FADS2: variants seen among roughly 807,000 people sequenced by gnomAD.
FADS2 encodes the protein fatty acid desaturase 2.
Under a neutral mutation model 61.2 loss-of-function variants are expected in FADS2, and 18 were observed. The ratio of observed to expected loss-of-function variants is 0.29; its 90% CI spans 0.20 to 0.44. FADS2 has a LOEUF of 0.44. FADS2 is among the 20% of genes least tolerant of loss of function. The probability of loss-of-function intolerance (pLI) is 1.00; values close to 1 mark genes in which losing one functional copy is unlikely to be tolerated. For synonymous variants in FADS2, 203 were observed against 223.9 expected (o/e 0.91, Z 0.83); for missense variants, 322 against 572.7 (o/e 0.56, Z 4.47).
At position 61,816,282 on chromosome 11, in the gene FADS2, T is replaced by G; in HGVS notation, c.-4T>G. 1 of 1,598,350 alleles carries G rather than the reference T, an allele frequency of 6.3e-7. No homozygotes were observed. Among genetic ancestry groups the G allele is most frequent in the Non-Finnish European group, 8.5e-7 (1 of 1,179,780 alleles). On this transcript the variant is annotated 5_prime_UTR_variant, in exon 1 of 12. Coordinates refer to the FADS2 transcript ENST00000257261. This position sits in a 1 kb window ranked among gnomAD's most constrained non-coding sequence, Gnocchi z 7.0. Reference sequence around the variant, plus strand: ...GAGACCTGAGGCTCGGGGCTGCAGATGGAATGCACGGCAGGGAGGCGGGAC... The same window carrying G: ...GAGACCTGAGGCTCGGGGCTGCAGAGGGAATGCACGGCAGGGAGGCGGGAC...
chr11:61,824,484 GAGAGAGAAAGAAAGAAAGGAAAGAAAGAA>G (rs2067062206), upstream of FADS2, among the ~76,000 whole-genome samples: 15 of 39,420 alleles, frequency 3.8e-4, no homozygotes, highest in African/African-American at 1.9e-3. Context: ...GAGAGAGAGA[GAGAGAGAAAGAAAGAAAGGAAAGAAAGAA>G]AGAAAGAAAG....
At position 61,853,239 on chromosome 11, in the gene FADS2, TTCTTTCTCTC is replaced by T. The variant is rs1173584267; in HGVS notation, c.745-3768_745-3759del. The stretch of plus-strand genomic sequence containing the variant: ...GTCACTCTTTCTTTCTTCTCTTTCT[TTCTTTCTCTC>T]TCTCTTTCTTTCTCTCCCTCCCTCC... On this transcript the variant is annotated intron_variant, in intron 5 of 11. Transcript: ENST00000278840. Among the ~76,000 whole-genome samples, 799 of 117,734 alleles carry T rather than the reference TTCTTTCTCTC, an allele frequency of 6.8e-3. 16 individuals carry two copies. The highest frequency in any genetic ancestry group is 0.021 in the African/African-American group (754 of 35,684). The allele number at this position is 117,734 out of a possible 152,430, so 77.2% of individuals were successfully genotyped here.
intron 5 of FADS2, among the ~76,000 whole-genome samples, chr11:61,852,357 C>A (rs174594): frequency 0.46 from 70,416 of 152,106 alleles, 20,212 homozygotes; most frequent in South Asian, 0.75. Flanking sequence ...ACCTCCTGGG[C>A]TCAAGCCATC....
chr11:61,865,940 C>T lies in FADS2; in HGVS notation c.*251C>T. Reference sequence around the variant, plus strand: ...ATGGCCCTCCCAGTGCCTCCTAGCCCCTTCTTCCAAGGAGCAGAGAGGTGG... The same window carrying T: ...ATGGCCCTCCCAGTGCCTCCTAGCCTCTTCTTCCAAGGAGCAGAGAGGTGG... On this transcript the variant is annotated 3_prime_UTR_variant, in exon 12 of 12. Coordinates refer to ENST00000278840, the MANE Select transcript of FADS2 (RefSeq NM_004265.4). This position sits in a 1 kb window ranked among gnomAD's most constrained non-coding sequence, Gnocchi z 4.1. 1.8e-6 allele frequency: 1 copy of T among 542,710 alleles called. No homozygotes were observed. The allele number at this position is 542,710 out of a possible 1,614,324, so 33.6% of individuals were successfully genotyped here.
chr11:61,848,133 T>G (rs1181615771), intron 4 of FADS2, 26 bp from the exon 5 acceptor site: 17 of 1,613,908 alleles, frequency 1.1e-5, no homozygotes, highest in Non-Finnish European at 1.4e-5. Flanking sequence ...CTTGCATGGC[T>G]CATCCCCACC....
intron 9 of FADS2, 24 bp from the exon 10 acceptor site, chr11:61,863,683 G>C: frequency 6.2e-7 from 1 of 1,607,650 alleles, no homozygotes; most frequent in Non-Finnish European, 8.5e-7. Flanking sequence ...TTTGTTCCCT[G>C]ACACTCATCC....
Position 61,867,300 on chromosome 11 carries a change from A to C in FADS2, c.*1611A>C, listed in dbSNP as rs571777466. 2.0e-5 allele frequency: 3 copies of C among 151,928 alleles called. No homozygotes were observed. Among genetic ancestry groups the C allele is most frequent in the African/African-American group, 7.3e-5 (3 of 41,336 alleles). 9.4% of individuals were successfully genotyped at this position (151,928 alleles called of 1,614,324 possible). A position where few individuals can be genotyped will look rare whatever the true frequency, so the allele number is the denominator to read the frequency against. ...TAGGGAGCTGATCGTAATGTTTATCATGTTACTTCCCCACCCCTACATTTT... is the reference window on the plus strand; with the variant it reads ...TAGGGAGCTGATCGTAATGTTTATCCTGTTACTTCCCCACCCCTACATTTT... On this transcript the variant is annotated 3_prime_UTR_variant, in exon 12 of 12. Coordinates refer to ENST00000278840, the MANE Select transcript of FADS2 (RefSeq NM_004265.4).
At chr11:61,824,247 G>A (rs185816819), upstream of FADS2, among the ~76,000 whole-genome samples, 2 of 151,718 alleles carry the variant, frequency 1.3e-5, no homozygotes, top group East Asian at 3.9e-4. Flanking sequence ...TGGGTGTGGT[G>A]GCACATGCCA....
At chr11:61,825,434 A>G (rs1331667294), upstream of FADS2, among the ~76,000 whole-genome samples, 1 of 152,044 alleles carries the variant, frequency 6.6e-6, no homozygotes, top group African/African-American at 2.4e-5. Context: ...CCTGGCCAAC[A>G]TGGTGAAACC....
intron 4 of FADS2, 180 bp from the exon 5 acceptor site, chr11:61,847,979 G>A (rs571986007): frequency 3.1e-6 from 2 of 639,694 alleles, no homozygotes; most frequent in African/African-American, 3.7e-5. Context: ...CACTCCATCT[G>A]GGGCTGGCGC....
At chr11:61,859,556 G>C (rs1385668439) in intron 7 of FADS2, among the ~76,000 whole-genome samples, 2 of 152,268 alleles carry the variant, frequency 1.3e-5, no homozygotes, top group Admixed American at 6.5e-5. Flanking sequence ...ACCTAATCCT[G>C]ATGGTCTCCA....
chr11:61,863,116 A>G, intron 8 of FADS2, 47 bp downstream of exon 8: 7 of 1,552,774 alleles, frequency 4.5e-6, no homozygotes, highest in Non-Finnish European at 6.2e-6. Flanking sequence ...ACTGGCACTG[A>G]TGATGGCTTT....
chr11:61,852,325 A>G (rs1306329677), intron 5 of FADS2, among the ~76,000 whole-genome samples: 3 of 152,126 alleles, frequency 2.0e-5, no homozygotes, highest in African/African-American at 4.8e-5. Flanking sequence ...TAGTGGCGCA[A>G]TCTCGGTTCA....
At chr11:61,850,388 T>C (rs768493297) in intron 5 of FADS2, among the ~76,000 whole-genome samples, 1 of 152,176 alleles carries the variant, frequency 6.6e-6, no homozygotes, top group Non-Finnish European at 1.5e-5. Flanking sequence ...GTAGATGGGA[T>C]TACAGGTGCA....
intron 1 of FADS2, among the ~76,000 whole-genome samples, chr11:61,836,470 T>A (rs1312028685): frequency 6.6e-6 from 1 of 152,044 alleles, no homozygotes; most frequent in East Asian, 1.9e-4. Context: ...TTGCTTATTG[T>A]ATCTTCCTGC....
At chr11:61,837,941 G>C in intron 2 of FADS2, 53 bp downstream of exon 2, 1 of 1,318,280 alleles carries the variant, frequency 7.6e-7, no homozygotes, top group Non-Finnish European at 1.1e-6. Context: ...GGGGGTGGCT[G>C]GGAGTCTGAG....
At chr11:61,854,313 T>A (rs544125550) in intron 5 of FADS2, 1 of 152,396 alleles carries the variant, frequency 6.6e-6, no homozygotes, top group South Asian at 2.1e-4. Context: ...GGCACTGTGA[T>A]GGGCAGTGTG....
rs571532963 is a variant in FADS2 at position 61,865,294 on chromosome 11, C to T, written c.1283+17C>T. 6.2e-7 allele frequency: 1 copy of T among 1,611,630 alleles called. No individual in the cohort carries two copies. Among genetic ancestry groups the T allele is most frequent in the African/African-American group, 1.3e-5 (1 of 74,986 alleles). On this transcript the variant is annotated intron_variant, in intron 11 of 11. Transcript: ENST00000278840. The surrounding 1 kb of genome is among the most constrained non-coding windows in gnomAD (Gnocchi z 4.1). Reference sequence around the variant, plus strand: ...CATCATCAGGTGAGGGGTGGAGGTCCACAGGCGCTGGGCCCTGGGATCACC... The same window carrying T: ...CATCATCAGGTGAGGGGTGGAGGTCTACAGGCGCTGGGCCCTGGGATCACC...
chr11:61,821,630 AG>A (rs2067037218), intron 1 of FADS2, among the ~76,000 whole-genome samples: 1 of 152,224 alleles, frequency 6.6e-6, no homozygotes, highest in Non-Finnish European at 1.5e-5. Flanking sequence ...AGGCCATTAA[AG>A]ACCAAAACCA....
Sources: allele counts gnomAD v4.1 joint callset (sites outside exome capture counted in the v4.1 genomes callset), GRCh38; gene constraint gnomAD v4.1.1; non-coding constraint Gnocchi (gnomAD v3.1); transcripts MANE v1.5; gene names NCBI Gene and HGNC (gene_info 2026-07-23, HGNC 2026-07-21).